Variants in DNAJC16 observed in about 807,000 individuals in gnomAD.
DNAJC16 encodes DnaJ heat shock protein family (Hsp40) member C16.
A neutral mutation model predicts 92.7 loss-of-function variants in DNAJC16; 76 were observed. The ratio of observed to expected loss-of-function variants is 0.82; its 90% CI spans 0.68 to 0.99. The LOEUF is 0.99. Ranked by LOEUF, DNAJC16 falls within the 50% of genes least tolerant of loss-of-function variation. The probability of loss-of-function intolerance (pLI) is 0.00; values close to 1 mark genes in which losing one functional copy is unlikely to be tolerated. For missense variants in DNAJC16, 869 were observed against 942.4 expected, an observed-to-expected ratio of 0.92 and a Z score of 1.02; for synonymous variants, 328 against 358.7, an observed-to-expected ratio of 0.91 and a Z score of 0.97.
intron 2 of DNAJC16, among the ~76,000 whole-genome samples, chr1:15,532,363 A>T (rs1710680111): frequency 6.6e-6 from 1 of 152,176 alleles, no homozygotes; most frequent in African/African-American, 2.4e-5. Context: ...TGAAAATAGC[A>T]TTGGACAATA....
intron 8 of DNAJC16, among the ~76,000 whole-genome samples, chr1:15,561,756 G>A (rs1229885933): frequency 6.6e-6 from 1 of 151,868 alleles, no homozygotes; most frequent in Non-Finnish European, 1.5e-5. Flanking sequence ...TGGCAGGCAC[G>A]ATGGCTCATG....
intron 1 of DNAJC16, among the ~76,000 whole-genome samples, chr1:15,527,170 G>C (rs1710536354): frequency 6.6e-6 from 1 of 152,158 alleles, no homozygotes; most frequent in East Asian, 1.9e-4. Flanking sequence ...CGCGAGGCGG[G>C]GCTTAGACCT....
intron 4 of DNAJC16, among the ~76,000 whole-genome samples, chr1:15,541,234 A>T (rs1281075459): frequency 3.3e-5 from 5 of 152,150 alleles, no homozygotes; most frequent in African/African-American, 4.8e-5. Context: ...GTCTTTACGA[A>T]TGACCAAATC....
At chr1:15,556,800 C>G (rs1490893645) in intron 7 of DNAJC16, among the ~76,000 whole-genome samples, 1 of 152,116 alleles carries the variant, frequency 6.6e-6, no homozygotes, top group Non-Finnish European at 1.5e-5. Flanking sequence ...CAGCATTTCC[C>G]CAATAAGTGT....
intron 4 of DNAJC16, among the ~76,000 whole-genome samples, chr1:15,539,838 G>A (rs1710889700): frequency 6.6e-6 from 1 of 151,256 alleles, no homozygotes; most frequent in African/African-American, 2.4e-5. Flanking sequence ...GACCAGCCTG[G>A]CCAACATGGT....
intron 10 of DNAJC16, 29 bp from the exon 11 acceptor site, chr1:15,564,254 T>A (rs376253947): frequency 1.3e-6 from 2 of 1,559,966 alleles, no homozygotes; most frequent in African/African-American, 1.4e-5. Context: ...GCTTTAGTCC[T>A]GACCATCATC....
rs1190075330 is a variant in DNAJC16, at chr1:15,565,912, G to A, written c.1599-7G>A. ...CTTGAGCTAATAGTTTGTTAATTTGGTTTTAGGAGGGAAATGATGCCCCTG... is the reference window on the plus strand; with the variant it reads ...CTTGAGCTAATAGTTTGTTAATTTGATTTTAGGAGGGAAATGATGCCCCTG... On this transcript the variant is annotated splice_polypyrimidine_tract_variant and splice_region_variant and intron_variant, in intron 11 of 14. Coordinates refer to ENST00000375847, the MANE Select transcript of DNAJC16 (RefSeq NM_015291.4). 1.2e-6 allele frequency: 2 copies of A among 1,612,882 alleles called. No individual in the cohort carries two copies. Among genetic ancestry groups the A allele is most frequent in the East Asian group, 2.2e-5 (1 of 44,866 alleles).
At chr1:15,534,932 C>T (rs1334759559) in intron 3 of DNAJC16, among the ~76,000 whole-genome samples, 2 of 152,100 alleles carry the variant, frequency 1.3e-5, no homozygotes, top group Non-Finnish European at 2.9e-5. Flanking sequence ...ATTAAAGTGG[C>T]ACGAGGTAAC....
At chr1:15,567,015 C>A in intron 13 of DNAJC16, 84 bp from the exon 14 acceptor site, 1 of 1,312,276 alleles carries the variant, frequency 7.6e-7, no homozygotes, top group Non-Finnish European at 1.1e-6. Context: ...TAGAACATAG[C>A]ATTTTCTTTC....
rs774333530 is a variant in DNAJC16, at chr1:15,536,771, C to G, written c.531C>G (p.Ile177Met). ...TSDWCFSCIH[I>M]EPVWKEVIQE... ...ATTGGTGCTTTAGCTGCATTCATAT[C>G]GAGCCTGTGTGGAAAGAAGTCATTC... Residue 177 changes from isoleucine (I) to methionine (M), a missense_variant, in exon 4 of 15, where the codon ATC becomes ATG. By Grantham distance (10) the Ile-to-Met change is conservative. Transcript: ENST00000375847. 6.2e-7 allele frequency: 1 copy of G among 1,612,218 alleles called. No individual in the cohort carries two copies. The highest frequency in any genetic ancestry group is 1.1e-5 in the South Asian group (1 of 90,380).
intron 13 of DNAJC16, chr1:15,566,493 A>G: frequency 3.2e-6 from 1 of 308,374 alleles, no homozygotes; most frequent in Non-Finnish European, 6.1e-6. Context: ...GCGCACACAC[A>G]CCCAGCAGCA....
rs150873018 is a variant in DNAJC16 at position 15,529,265 on chromosome 1, C to A, written c.160C>A (p.Arg54=). The A allele has an allele frequency of 1.2e-6, 2 of 1,606,320 alleles. No homozygotes were observed. Among genetic ancestry groups the A allele is most frequent in the African/African-American group, 2.7e-5 (2 of 74,704 alleles). Residue 54 remains arginine (R), a synonymous_variant, in exon 2 of 15, where the codon CGG becomes AGG. Coordinates refer to ENST00000375847, the MANE Select transcript of DNAJC16 (RefSeq NM_015291.4). ...DIKKAYKKLA[R]EWHPDKNKDP... ...TAAAAAGGCTTATAAGAAGCTCGCC[C>A]GGGAATGGTAGGTGAAACAAAGAAA...
chr1:15,570,764 A>G lies in DNAJC16; in HGVS notation c.*2587A>G, dbSNP rs1050902740. ...CATGCAAGGCATTCCTCCTGAATGC[A>G]TCCATGAATTTGTTTACTTTTGCGT... On this transcript the variant is annotated 3_prime_UTR_variant, in exon 15 of 15. Transcript: ENST00000375847. The G allele has an allele frequency of 6.6e-6, 1 of 152,202 alleles. No individual in the cohort carries two copies. The highest frequency in any genetic ancestry group is 6.5e-5 in the Admixed American group (1 of 15,276). The allele number at this position is 152,202 out of a possible 1,614,324, so 9.4% of individuals were successfully genotyped here.
chr1:15,532,375 T>G (rs1376447031), intron 2 of DNAJC16, among the ~76,000 whole-genome samples: 1 of 152,224 alleles, frequency 6.6e-6, no homozygotes, highest in Non-Finnish European at 1.5e-5. Context: ...TGGACAATAC[T>G]TTCCTATGGC....
chr1:15,540,538 A>G (rs542908889), intron 4 of DNAJC16, among the ~76,000 whole-genome samples: 1 of 151,920 alleles, frequency 6.6e-6, no homozygotes, highest in Non-Finnish European at 1.5e-5. Flanking sequence ...TCACTTGCCA[A>G]CTCTGTCACC....
chr1:15,548,428 G>A lies in DNAJC16; in HGVS notation c.1023G>A (p.Gln341=). The change falls in exon 7 of 15, where the codon CAG becomes CAA. Residue 341 remains glutamine (Q), a splice_region_variant and synonymous_variant. Transcript: ENST00000375847. ...TAAACAGGCCTGCCGATGTTATCCA[G>A]GTACGTGAGGGTCACCTTGGTTAAG... The part of the protein sequence containing the change: ...EHINRPADVI[Q]ARGMKKQIID... The A allele has an allele frequency of 6.2e-7, 1 of 1,604,626 alleles. No individual in the cohort carries two copies. Among genetic ancestry groups the A allele is most frequent in the Non-Finnish European group, 8.5e-7 (1 of 1,174,812 alleles).
chr1:15,565,914 T>C lies in DNAJC16; in HGVS notation c.1599-5T>C. 1 of 1,613,342 alleles carries C rather than the reference T, an allele frequency of 6.2e-7. No homozygotes were observed. The highest frequency in any genetic ancestry group is 8.5e-7 in the Non-Finnish European group (1 of 1,179,658). On this transcript the variant is annotated splice_polypyrimidine_tract_variant and splice_region_variant and intron_variant, in intron 11 of 14. Transcript: ENST00000375847. ...TGAGCTAATAGTTTGTTAATTTGGT[T>C]TTAGGAGGGAAATGATGCCCCTGCT...
chr1:15,536,418 A>G (rs1570902127), intron 3 of DNAJC16, 57 bp from the exon 4 acceptor site: 11 of 1,426,308 alleles, frequency 7.7e-6, no homozygotes, highest in South Asian at 1.4e-5. Context: ...GCTGCTTACA[A>G]AAAAGTCTTT....
chr1:15,530,055 A>G (rs1441636405), intron 2 of DNAJC16, among the ~76,000 whole-genome samples: 3 of 151,702 alleles, frequency 2.0e-5, no homozygotes, highest in Non-Finnish European at 4.4e-5. Context: ...AGAAAATATT[A>G]TATTTTGGTT....
Sources: allele counts gnomAD v4.1 joint callset (sites outside exome capture counted in the v4.1 genomes callset), GRCh38; gene constraint gnomAD v4.1.1; transcripts MANE v1.5; gene names NCBI Gene and HGNC (gene_info 2026-07-23, HGNC 2026-07-21).